PCDHGB1: variants seen among roughly 807,000 people sequenced by gnomAD.
The protein encoded by PCDHGB1 is protocadherin gamma subfamily B, 1, also known as protocadherin gamma-B1.
Under a neutral mutation model 56.6 loss-of-function variants are expected in PCDHGB1, and 34 were observed. The observed-to-expected ratio is 0.60, with a 90% CI of 0.46 to 0.80. The LOEUF is 0.80. Among genes scored for constraint, PCDHGB1 ranks in the 30% least tolerant of loss-of-function variants. The pLI is 0.00. For synonymous variants in PCDHGB1, 561 were observed against 505.9 expected, an observed-to-expected ratio of 1.11 and a Z score of -1.46; for missense variants, 1,278 against 1,204.6, an observed-to-expected ratio of 1.06 and a Z score of -0.90.
intron 2 of PCDHGB1, among the ~76,000 whole-genome samples, chr5:141,497,212 G>A (rs968445663): frequency 6.6e-6 from 1 of 150,900 alleles, no homozygotes; most frequent in Non-Finnish European, 1.5e-5. Flanking sequence ...AGTGTAATGG[G>A]GGGGGGAAGA....
chr5:141,370,226 A>T, intron 1 of PCDHGB1: 1 of 580,190 alleles, frequency 1.7e-6, no homozygotes, highest in East Asian at 2.9e-5. Flanking sequence ...CGCTGCAGCC[A>T]GCTCGGAAGA....
intron 1 of PCDHGB1, chr5:141,375,369 C>T (rs759826011): frequency 6.2e-7 from 1 of 1,613,892 alleles, no homozygotes; most frequent in South Asian, 1.1e-5. Flanking sequence ...GACAAAGGAA[C>T]ACCACCTCTG....
chr5:141,387,347 T>C (rs1213698437), intron 1 of PCDHGB1, among the ~76,000 whole-genome samples: 1 of 152,152 alleles, frequency 6.6e-6, no homozygotes. Flanking sequence ...TCTGAGACGG[T>C]TTAGGCCAAG....
chr5:141,384,807 T>C, intron 1 of PCDHGB1: 1 of 1,613,400 alleles, frequency 6.2e-7, no homozygotes, highest in Non-Finnish European at 8.5e-7. Context: ...TGGACAGAGA[T>C]GCCCTCAAGC....
chr5:141,402,091 G>C (rs1453803021), intron 1 of PCDHGB1, among the ~76,000 whole-genome samples: 2 of 152,088 alleles, frequency 1.3e-5, no homozygotes, highest in Non-Finnish European at 2.9e-5. Context: ...TAGCAGAAAA[G>C]TTTAAGCAAT....
rs572270591 is a variant in PCDHGB1, at chr5:141,397,633, T to C, written c.2409+44964T>C. The stretch of plus-strand genomic sequence containing the variant: ...GGCAATACTTAGTTCTAGCTAAGAG[T>C]TCAAGGTATGTTTGCAGAATGGTGA... On this transcript the variant is annotated intron_variant, in intron 1 of 3. Coordinates refer to ENST00000523390, the MANE Select transcript of PCDHGB1 (RefSeq NM_018922.3). Among the ~76,000 whole-genome samples, 5 of 152,252 alleles carry C rather than the reference T, an allele frequency of 3.3e-5. No homozygotes were observed. In the East Asian group the frequency reaches 9.7e-4, roughly 29 times the overall value.
At chr5:141,369,020 A>G (rs1349066558) in intron 1 of PCDHGB1, among the ~76,000 whole-genome samples, 1 of 152,204 alleles carries the variant, frequency 6.6e-6, no homozygotes, top group African/African-American at 2.4e-5. Context: ...TTATTGCTGC[A>G]CACTTGCCTA....
At chr5:141,469,012 C>T (rs1196140759) in intron 1 of PCDHGB1, among the ~76,000 whole-genome samples, 1 of 151,852 alleles carries the variant, frequency 6.6e-6, no homozygotes, top group Non-Finnish European at 1.5e-5. Flanking sequence ...TGCGGTGGGT[C>T]ACTCCTGTAA....
At chr5:141,478,808 T>C in intron 1 of PCDHGB1, 1 of 1,459,124 alleles carries the variant, frequency 6.9e-7, no homozygotes, top group African/African-American at 1.4e-5. Flanking sequence ...TCTTTTGCTA[T>C]CACAACTAAC....
chr5:141,366,498 G>A, intron 1 of PCDHGB1: 1 of 1,614,246 alleles, frequency 6.2e-7, no homozygotes, highest in Non-Finnish European at 8.5e-7. Flanking sequence ...CACAAGTCAC[G>A]CCTGCTTCAG....
chr5:141,404,072 C>G, intron 1 of PCDHGB1: 3 of 1,613,626 alleles, frequency 1.9e-6, no homozygotes, highest in Non-Finnish European at 2.5e-6. Context: ...TGCTCATGAC[C>G]GAGACTCCGG....
chr5:141,503,654 G>C (rs1248501987), intron 2 of PCDHGB1, among the ~76,000 whole-genome samples: 1 of 150,388 alleles, frequency 6.6e-6, no homozygotes, highest in Non-Finnish European at 1.5e-5. Flanking sequence ...AATGGAAACA[G>C]AATTACAACT....
intron 1 of PCDHGB1, chr5:141,422,845 G>A: frequency 6.2e-7 from 1 of 1,614,230 alleles, no homozygotes; most frequent in Non-Finnish European, 8.5e-7. Context: ...TGACAGCGGG[G>A]ACCCGCCCCT....
intron 1 of PCDHGB1, chr5:141,427,783 C>T (rs765131117): frequency 1.4e-6 from 2 of 1,460,966 alleles, no homozygotes; most frequent in Non-Finnish European, 1.9e-6. Flanking sequence ...CGGGCACTGT[C>T]GTCCTACGTG....
At chr5:141,386,135 G>A (rs2090475678) in intron 1 of PCDHGB1, 1 of 152,130 alleles carries the variant, frequency 6.6e-6, no homozygotes, top group African/African-American at 2.4e-5. Context: ...GGGGATACTG[G>A]CTTTGTTTCA....
chr5:141,487,397 G>C lies in PCDHGB1; in HGVS notation c.2410-7410G>C. On this transcript the variant is annotated intron_variant, in intron 1 of 3. Coordinates refer to ENST00000523390, the MANE Select transcript of PCDHGB1 (RefSeq NM_018922.3). The surrounding 1 kb of genome is among the most constrained non-coding windows in gnomAD (Gnocchi z 5.0). ...TCTCACCAGATCTCGAAGGAGGGAG[G>C]GGCTTCCCCCTTCCAATGGGATCCT... The C allele has an allele frequency of 6.2e-7, 1 of 1,614,062 alleles. No homozygotes were observed. The highest frequency in any genetic ancestry group is 8.5e-7 in the Non-Finnish European group (1 of 1,180,008).
chr5:141,491,908 G>A lies in PCDHGB1; in HGVS notation c.2410-2899G>A. ...GGGGCTCCGAGCACCGGGGGTGGTG[G>A]CGACTGTGGGCGAGGGGAGGTGGGA... On this transcript the variant is annotated intron_variant, in intron 1 of 3. Transcript: ENST00000523390. The surrounding 1 kb of genome is among the most constrained non-coding windows in gnomAD (Gnocchi z 6.9). The A allele has an allele frequency of 7.1e-7, 1 of 1,408,288 alleles. No individual in the cohort carries two copies. Among genetic ancestry groups the A allele is most frequent in the East Asian group, 2.5e-5 (1 of 39,276 alleles). The allele number at this position is 1,408,288 out of a possible 1,614,324, so 87.2% of individuals were successfully genotyped here. A position where few individuals can be genotyped will look rare whatever the true frequency, so the allele number is the denominator to read the frequency against.
At position 141,362,521 on chromosome 5, in the gene PCDHGB1, G is replaced by T. The variant is rs1299145664; in HGVS notation, c.2409+9852G>T. On this transcript the variant is annotated intron_variant, in intron 1 of 3. Transcript: ENST00000523390. ...GGAACAAAATACAAATCATGGAGCC[G>T]CTGGGGTCCCTTTTGCCTCAGATAC... The T allele has an allele frequency of 2.2e-5, 36 of 1,613,832 alleles. No individual in the cohort carries two copies. The highest frequency in any genetic ancestry group is 2.8e-5 in the Non-Finnish European group (33 of 1,179,902).
rs1561852927 is a variant in PCDHGB1, at chr5:141,431,472, A to G, written c.2410-63335A>G. On this transcript the variant is annotated intron_variant, in intron 1 of 3. Coordinates refer to ENST00000523390, the MANE Select transcript of PCDHGB1 (RefSeq NM_018922.3). The surrounding 1 kb of genome is among the most constrained non-coding windows in gnomAD (Gnocchi z 4.8). The stretch of plus-strand genomic sequence containing the variant: ...GTGATGGTTCTGGATGCGAACGACA[A>G]CGCACCAGCGTTTGCTCAGCCCGAG... 6.2e-7 allele frequency: 1 copy of G among 1,613,784 alleles called. No individual in the cohort carries two copies. The highest frequency in any genetic ancestry group is 8.5e-7 in the Non-Finnish European group (1 of 1,179,948).
Sources: allele counts gnomAD v4.1 joint callset (sites outside exome capture counted in the v4.1 genomes callset), GRCh38; gene constraint gnomAD v4.1.1; non-coding constraint Gnocchi (gnomAD v3.1); transcripts MANE v1.5; gene names NCBI Gene and HGNC (gene_info 2026-07-23, HGNC 2026-07-21).